GCLC: variants seen among roughly 807,000 people sequenced by gnomAD.
GCLC encodes the protein glutamate-cysteine ligase catalytic subunit.
Under a neutral mutation model 81.5 loss-of-function variants are expected in GCLC, and 30 were observed. The observed-to-expected ratio is 0.37, with a 90% CI of 0.28 to 0.50. The LOEUF is 0.50. Ranked by LOEUF, GCLC falls within the 20% of genes least tolerant of loss-of-function variation. The probability of loss-of-function intolerance (pLI) is 0.96; values close to 1 mark genes in which losing one functional copy is unlikely to be tolerated. For missense variants in GCLC, 556 were observed against 777.4 expected (o/e 0.72, Z 3.39); for synonymous variants, 262 against 273.3 (o/e 0.96, Z 0.41).
At chr6:53,527,608 C>T (rs1763104699) in intron 1 of GCLC, among the ~76,000 whole-genome samples, 1 of 152,200 alleles carries the variant, frequency 6.6e-6, no homozygotes, top group Non-Finnish European at 1.5e-5. Flanking sequence ...CTCAGGCTTA[C>T]ACTGGCTGGA....
intron 15 of GCLC, among the ~76,000 whole-genome samples, chr6:53,499,432 A>C (rs1426943370): frequency 6.6e-6 from 1 of 152,228 alleles, no homozygotes. Flanking sequence ...AATTGGCAGT[A>C]TACCATTTGA....
chr6:53,532,360 G>T (rs1187638613), intron 1 of GCLC, among the ~76,000 whole-genome samples: 1 of 152,230 alleles, frequency 6.6e-6, no homozygotes, highest in Non-Finnish European at 1.5e-5. Context: ...GACCGAGTCT[G>T]CAGGAACTAT....
chr6:53,515,815 C>T (rs1764860003), intron 4 of GCLC, among the ~76,000 whole-genome samples: 1 of 151,968 alleles, frequency 6.6e-6, no homozygotes, highest in Non-Finnish European at 1.5e-5. Context: ...ATTTACAGAC[C>T]TAGGACTGAA....
intron 5 of GCLC, 43 bp downstream of exon 5, chr6:53,514,396 C>T (rs1319799273): frequency 6.3e-7 from 1 of 1,591,594 alleles, no homozygotes; most frequent in Non-Finnish European, 8.6e-7. Flanking sequence ...AACAACAATA[C>T]AACATGTCTC....
At chr6:53,540,322 CAAAAAAGAAA>C (rs916745662) in intron 1 of GCLC, among the ~76,000 whole-genome samples, 7 of 124,590 alleles carry the variant, frequency 5.6e-5, no homozygotes, top group African/African-American at 2.4e-4. Flanking sequence ...TATTCAGCCT[CAAAAAAGAAA>C]AAAAAAAAGA....
intron 1 of GCLC, among the ~76,000 whole-genome samples, chr6:53,537,746 A>C (rs961538052): frequency 2.6e-5 from 4 of 152,138 alleles, no homozygotes; most frequent in African/African-American, 9.7e-5. Context: ...TGTAAAAAAA[A>C]ACCAAAAAAC....
chr6:53,500,092 C>G lies in GCLC; in HGVS notation c.1655G>C (p.Arg552Thr), dbSNP rs1318094929. 1.9e-6 allele frequency: 3 copies of G among 1,609,196 alleles called. No individual in the cohort carries two copies. The highest frequency in any genetic ancestry group is 2.6e-6 in the Non-Finnish European group (3 of 1,175,582). The change falls in exon 15 of 16, where the codon AGA becomes ACA. Residue 552 changes from arginine to threonine, a missense_variant. Transcript: ENST00000650454. ...LENMEVDVDTRCSILNYLKLI... is the reference protein window; with the variant it reads ...LENMEVDVDTTCSILNYLKLI... ...CTTTAGGTAGTTCAGAATACTACAT[C>G]TGGTGTCCACATCCACTTCCATGTT...
intron 4 of GCLC, among the ~76,000 whole-genome samples, chr6:53,514,727 C>T (rs1387703052): frequency 6.6e-6 from 1 of 152,198 alleles, no homozygotes; most frequent in Non-Finnish European, 1.5e-5. Context: ...GCCGTTCTGT[C>T]TCCTGCTCAA....
In GCLC at chr6:53,507,599, T is replaced by C. The variant is rs767928952; in HGVS notation, c.965A>G (p.Tyr322Cys). ...RGLEPLKNNN[Y>C]RISKSRYDSI... ...GTCATATCGGGATTTACTGATCCTATAGTTATTGTTCTTCAATGGCTAAAG... is the reference window on the plus strand; with the variant it reads ...GTCATATCGGGATTTACTGATCCTACAGTTATTGTTCTTCAATGGCTAAAG... The change falls in exon 9 of 16, where the codon TAT becomes TGT. Residue 322 changes from tyrosine to cysteine, a missense_variant. Physicochemically the swap from Tyr to Cys is radical, Grantham distance 194. Coordinates refer to ENST00000650454, the MANE Select transcript of GCLC (RefSeq NM_001498.4). The C allele has an allele frequency of 2.2e-5, 34 of 1,531,846 alleles. 4 individuals carry two copies. In the South Asian group the frequency reaches 3.3e-4, roughly 15 times the overall value. The allele number at this position is 1,531,846 out of a possible 1,614,324, so 94.9% of individuals were successfully genotyped here.
chr6:53,507,609 T>A lies in GCLC; in HGVS notation c.955A>T (p.Asn319Tyr). Reference protein sequence around the residue: ...REERGLEPLKNNNYRISKSRY... With the variant: ...REERGLEPLKYNNYRISKSRY... ...GATTTACTGATCCTATAGTTATTGT[T>A]CTTCAATGGCTAAAGATTAAAAATA... Residue 319 changes from asparagine (N) to tyrosine (Y), a missense_variant, in exon 9 of 16, where the codon AAC becomes TAC. By Grantham distance (143) the Asn-to-Tyr change is moderately radical. Around this residue, in one of 3 missense-constraint regions of GCLC, gnomAD observed 313 missense variants for 437.3 expected, o/e 0.72. Transcript: ENST00000650454. 4 of 1,469,026 alleles carry A rather than the reference T, an allele frequency of 2.7e-6. No homozygotes were observed. Among genetic ancestry groups the A allele is most frequent in the Non-Finnish European group, 2.9e-6 (3 of 1,050,152 alleles). 91.0% of individuals were successfully genotyped at this position (1,469,026 alleles called of 1,614,324 possible).
intron 1 of GCLC, among the ~76,000 whole-genome samples, chr6:53,534,128 G>A (rs1482808496): frequency 6.6e-6 from 1 of 152,032 alleles, no homozygotes; most frequent in African/African-American, 2.4e-5. Context: ...CACAACCCGG[G>A]GTGACCCCAG....
chr6:53,520,194 T>C (rs1166467065), intron 3 of GCLC, among the ~76,000 whole-genome samples: 1 of 152,258 alleles, frequency 6.6e-6, no homozygotes, highest in East Asian at 1.9e-4. Context: ...TTTTATGTAC[T>C]TTTGGTCATA....
chr6:53,502,802 T>C (rs1162285895), intron 12 of GCLC, among the ~76,000 whole-genome samples: 1 of 152,234 alleles, frequency 6.6e-6, no homozygotes, highest in Non-Finnish European at 1.5e-5. Context: ...CTTTATGTTC[T>C]ATGGGCTATT....
At chr6:53,517,857 T>C (rs1762909044) in intron 3 of GCLC, among the ~76,000 whole-genome samples, 3 of 152,234 alleles carry the variant, frequency 2.0e-5, no homozygotes, top group African/African-American at 7.2e-5. Context: ...ATGAGGCTAG[T>C]TCCTCAGTCA....
chr6:53,499,016 T>C (rs779630736), intron 15 of GCLC, 49 bp from the exon 16 acceptor site: 1 of 1,195,278 alleles, frequency 8.4e-7, no homozygotes, highest in South Asian at 1.2e-5. Flanking sequence ...CGTAAGTTTT[T>C]TTTTTAATAA....
chr6:53,514,576 A>T, intron 4 of GCLC, 79 bp from the exon 5 acceptor site: 1 of 986,242 alleles, frequency 1.0e-6, no homozygotes, highest in African/African-American at 1.6e-5. Context: ...ACATACAAGT[A>T]AGTGGAATGA....
intron 1 of GCLC, among the ~76,000 whole-genome samples, chr6:53,524,340 T>A (rs1460916086): frequency 6.6e-6 from 1 of 152,220 alleles, no homozygotes; most frequent in East Asian, 1.9e-4. Flanking sequence ...AGGGTGCCAA[T>A]CTTGGTAAGT....
At chr6:53,518,867 A>T (rs1762934422) in intron 3 of GCLC, among the ~76,000 whole-genome samples, 1 of 152,078 alleles carries the variant, frequency 6.6e-6, no homozygotes, top group Non-Finnish European at 1.5e-5. Flanking sequence ...CTTGGCCTCT[A>T]CTCTAGTACT....
rs531078647 is a variant in GCLC at position 53,520,661 on chromosome 6, G to A, written c.446+117C>T. On this transcript the variant is annotated intron_variant, in intron 3 of 15. Coordinates refer to ENST00000650454, the MANE Select transcript of GCLC (RefSeq NM_001498.4). ...AGTCTATCAAGTGCAGTCTATAAAA[G>A]ATAAACCATCTGTAACGTATGAGGA... 84 of 867,582 alleles carry A rather than the reference G, an allele frequency of 9.7e-5. 1 individual carries two copies. The highest frequency in any genetic ancestry group is 2.0e-5 in the Non-Finnish European group (10 of 507,662). The allele number at this position is 867,582 out of a possible 1,614,324, so 53.7% of individuals were successfully genotyped here. A position where few individuals can be genotyped will look rare whatever the true frequency, so the allele number is the denominator to read the frequency against.
Sources: gnomAD v4.1 joint callset for allele counts (sites outside exome capture counted in the v4.1 genomes callset) on GRCh38, gnomAD v4.1.1 for gene constraint, gnomAD v4.1.1 regional missense constraint, MANE v1.5 for transcripts, NCBI Gene and HGNC (gene_info 2026-07-23, HGNC 2026-07-21) for gene names.